SLC35F4: variants seen among roughly 807,000 people sequenced by gnomAD.
SLC35F4 encodes solute carrier family 35 member F4.
A neutral mutation model predicts 44.2 loss-of-function variants in SLC35F4; 24 were observed. The ratio of observed to expected loss-of-function variants is 0.54; its 90% CI spans 0.39 to 0.76. The LOEUF (loss-of-function observed/expected upper bound fraction) is 0.76. Ranked by LOEUF, SLC35F4 falls within the 30% of genes least tolerant of loss-of-function variation. The pLI is 0.00. For missense variants in SLC35F4, 562 were observed against 586.1 expected, an observed-to-expected ratio of 0.96 and a Z score of 0.42; for synonymous variants, 238 against 223.6, an observed-to-expected ratio of 1.06 and a Z score of -0.57.
chr14:57,618,212 A>G (rs2071963713), intron 1 of SLC35F4, among the ~76,000 whole-genome samples: 1 of 152,220 alleles, frequency 6.6e-6, no homozygotes, highest in Non-Finnish European at 1.5e-5. Flanking sequence ...TATATTTGGC[A>G]TAAAGAATCC....
chr14:57,585,612 TCTC>T (rs1286769036), intron 3 of SLC35F4, among the ~76,000 whole-genome samples: 2 of 152,054 alleles, frequency 1.3e-5, no homozygotes, highest in African/African-American at 2.4e-5. Flanking sequence ...CAGCCTAAAA[TCTC>T]CTTAAGCTGA....
chr14:57,772,947 G>C (rs1197218853), intron 1 of SLC35F4, among the ~76,000 whole-genome samples: 1 of 152,140 alleles, frequency 6.6e-6, no homozygotes, highest in Non-Finnish European at 1.5e-5. Flanking sequence ...TTTCCATAGA[G>C]GTTGAACAAA....
chr14:57,771,588 A>T (rs902423905), intron 1 of SLC35F4, among the ~76,000 whole-genome samples: 32 of 151,994 alleles, frequency 2.1e-4, no homozygotes, highest in African/African-American at 7.7e-4. Flanking sequence ...TAATTAATTA[A>T]TTTATTTACT....
intron 1 of SLC35F4, among the ~76,000 whole-genome samples, chr14:57,955,909 T>C (rs758262647): frequency 3.9e-5 from 6 of 152,160 alleles, no homozygotes; most frequent in African/African-American, 1.4e-4. Flanking sequence ...CAAGCTACCA[T>C]TGACTTTCTT....
chr14:57,878,901 A>G (rs1888458563), intron 1 of SLC35F4, among the ~76,000 whole-genome samples: 1 of 152,134 alleles, frequency 6.6e-6, no homozygotes, highest in Non-Finnish European at 1.5e-5. Context: ...AGGAAGATCT[A>G]TTTACCTTCT....
chr14:57,698,060 T>C (rs1318268921), intron 1 of SLC35F4, among the ~76,000 whole-genome samples: 1 of 152,196 alleles, frequency 6.6e-6, no homozygotes, highest in Non-Finnish European at 1.5e-5. Context: ...AAAATGGGGA[T>C]AATAATAACA....
chr14:57,980,237 T>A (rs1388463210), intron 1 of SLC35F4, among the ~76,000 whole-genome samples: 1 of 152,184 alleles, frequency 6.6e-6, no homozygotes, highest in African/African-American at 2.4e-5. Context: ...TGGTTTTATT[T>A]TTCTGAAGGT....
chr14:57,707,652 G>A (rs762242670), intron 1 of SLC35F4, among the ~76,000 whole-genome samples: 5 of 152,118 alleles, frequency 3.3e-5, no homozygotes, highest in Non-Finnish European at 7.4e-5. Flanking sequence ...GTGGGACATT[G>A]GTAGAAGATA....
chr14:57,583,605 A>C (rs1216708874), intron 3 of SLC35F4, among the ~76,000 whole-genome samples: 1 of 152,204 alleles, frequency 6.6e-6, no homozygotes, highest in Non-Finnish European at 1.5e-5. Context: ...AGCTGGGAAG[A>C]CGCTGCTGAC....
At chr14:57,794,502 T>A (rs1003721570) in intron 1 of SLC35F4, among the ~76,000 whole-genome samples, 17 of 152,146 alleles carry the variant, frequency 1.1e-4, no homozygotes, top group African/African-American at 3.9e-4. Flanking sequence ...AGATACCACC[T>A]TACCTCAGCC....
At chr14:57,765,548 G>A (rs560560692) in intron 1 of SLC35F4, among the ~76,000 whole-genome samples, 11 of 152,216 alleles carry the variant, frequency 7.2e-5, no homozygotes, top group Non-Finnish European at 1.0e-4. Flanking sequence ...ATTAATAGAC[G>A]TTTGATTAAA....
intron 1 of SLC35F4, among the ~76,000 whole-genome samples, chr14:57,781,123 A>C (rs908317718): frequency 2.0e-5 from 3 of 152,204 alleles, no homozygotes; most frequent in Admixed American, 6.5e-5. Flanking sequence ...CAACAGAGTA[A>C]ACAGACAACC....
At chr14:57,766,987 A>T (rs530022838) in intron 1 of SLC35F4, among the ~76,000 whole-genome samples, 3 of 152,314 alleles carry the variant, frequency 2.0e-5, no homozygotes, top group Non-Finnish European at 4.4e-5. Context: ...AGTGAATGAG[A>T]AAAAGAGGCA....
intron 1 of SLC35F4, among the ~76,000 whole-genome samples, chr14:57,874,388 A>G (rs1330796372): frequency 6.6e-6 from 1 of 152,248 alleles, no homozygotes; most frequent in Non-Finnish European, 1.5e-5. Flanking sequence ...CAATCAAAAC[A>G]CATTAAAGGT....
At chr14:57,867,605 C>T (rs556063450), upstream of SLC35F4, among the ~76,000 whole-genome samples, 1 of 151,214 alleles carries the variant, frequency 6.6e-6, no homozygotes, top group South Asian at 2.1e-4. Context: ...CCTTTACACC[C>T]CCCCCCACGT....
intron 1 of SLC35F4, among the ~76,000 whole-genome samples, chr14:57,980,508 C>A (rs1274725464): frequency 2.6e-5 from 4 of 152,182 alleles, no homozygotes; most frequent in South Asian, 4.2e-4. Context: ...TGAACTCCAG[C>A]CCCAGCAAGA....
At chr14:57,950,676 T>C (rs919698799) in intron 1 of SLC35F4, among the ~76,000 whole-genome samples, 1 of 40,064 alleles carries the variant, frequency 2.5e-5, no homozygotes, top group Non-Finnish European at 4.3e-5. Context: ...TCTTTCTTTC[T>C]TTTTTTTTTT....
At chr14:57,571,191 G>A (rs1380202074) in intron 5 of SLC35F4, among the ~76,000 whole-genome samples, 1 of 152,166 alleles carries the variant, frequency 6.6e-6, no homozygotes, top group Non-Finnish European at 1.5e-5. Flanking sequence ...GACTTTAAAA[G>A]TAGAGCTTTG....
chr14:57,589,144 A>G (rs2069987575), intron 3 of SLC35F4, 72 bp downstream of exon 3: 2 of 1,485,230 alleles, frequency 1.3e-6, no homozygotes, highest in Non-Finnish European at 1.8e-6. Context: ...CATATTCCCA[A>G]GAGATAAAAA....
Sources: allele counts gnomAD v4.1 joint callset (sites outside exome capture counted in the v4.1 genomes callset), GRCh38; gene constraint gnomAD v4.1.1; transcripts MANE v1.5; gene names NCBI Gene and HGNC (gene_info 2026-07-23, HGNC 2026-07-21).